The following KPNA4 variants were observed in gnomAD, a reference collection of about 807,000 sequenced individuals.
KPNA4 encodes karyopherin subunit alpha 4.
KPNA4 carries 13 observed loss-of-function variants against 71.3 expected under a neutral mutation model. The observed-to-expected ratio is 0.18, with a 90% CI of 0.12 to 0.29. The LOEUF is 0.29. KPNA4 is among the 10% of genes least tolerant of loss of function. The pLI is 1.00. For synonymous variants in KPNA4, 189 were observed against 195.2 expected (o/e 0.97, Z 0.26); for missense variants, 334 against 603.2 (o/e 0.55, Z 4.67).
intron 1 of KPNA4, among the ~76,000 whole-genome samples, chr3:160,540,298 C>A (rs1179361071): frequency 6.6e-6 from 1 of 152,066 alleles, no homozygotes; most frequent in Non-Finnish European, 1.5e-5. Context: ...CGCGCCTGAC[C>A]CGAAAGATTT....
intron 2 of KPNA4, 69 bp downstream of exon 2, chr3:160,536,727 C>T (rs1204219394): frequency 5.2e-6 from 4 of 766,230 alleles, no homozygotes; most frequent in Non-Finnish European, 8.2e-6. Context: ...ATATATTTGG[C>T]ATCTTGTATA....
intron 1 of KPNA4, among the ~76,000 whole-genome samples, chr3:160,564,863 G>T (rs1025780549): frequency 6.7e-6 from 1 of 150,244 alleles, no homozygotes; most frequent in East Asian, 2.0e-4. Context: ...GGAAGGGGCC[G>T]CGGCCCGGCC....
chr3:160,555,869 T>C (rs994546093), intron 1 of KPNA4, among the ~76,000 whole-genome samples: 2 of 152,208 alleles, frequency 1.3e-5, no homozygotes, highest in African/African-American at 2.4e-5. Context: ...TTTGCTTTTG[T>C]TGCCCAGGCT....
chr3:160,510,853 T>TTGC (rs1721076971), intron 13 of KPNA4, among the ~76,000 whole-genome samples: 4 of 151,874 alleles, frequency 2.6e-5, no homozygotes, highest in Admixed American at 2.0e-4. Flanking sequence ...AGTGGCGCAA[T>TTGC]CTCGGCTCAC....
chr3:160,508,474 G>A lies in KPNA4; in HGVS notation c.1210-205C>T, dbSNP rs184817986. ...TTTCCCGAACTTAGAAAAAAACAACGTAAAGTTAAAATAAAGGAATCACTC... is the reference window on the plus strand; with the variant it reads ...TTTCCCGAACTTAGAAAAAAACAACATAAAGTTAAAATAAAGGAATCACTC... On this transcript the variant is annotated intron_variant, in intron 14 of 16. Transcript: ENST00000334256. Among the ~76,000 whole-genome samples, 33 of 151,874 alleles carry A rather than the reference G, an allele frequency of 2.2e-4. No individual in the cohort carries two copies. The East Asian group carries it at 6.2e-3, about 28-fold the overall frequency.
At chr3:160,514,328 C>T (rs537202985) in intron 12 of KPNA4, 147 bp from the exon 13 acceptor site, 7 of 543,488 alleles carry the variant, frequency 1.3e-5, no homozygotes, top group African/African-American at 1.2e-4. Context: ...AATTCCTTTA[C>T]ACCCCTTTCC....
chr3:160,537,449 T>A (rs892459608), intron 1 of KPNA4, among the ~76,000 whole-genome samples: 1 of 151,912 alleles, frequency 6.6e-6, no homozygotes. Flanking sequence ...TGGCACACCA[T>A]GGCCATTCTT....
intron 11 of KPNA4, among the ~76,000 whole-genome samples, chr3:160,516,518 G>A (rs1001634852): frequency 6.6e-6 from 1 of 151,946 alleles, no homozygotes; most frequent in African/African-American, 2.4e-5. Flanking sequence ...AGTGGCTCAC[G>A]CCTGTAATTC....
chr3:160,564,824 G>A (rs905506679), intron 1 of KPNA4, among the ~76,000 whole-genome samples: 1 of 151,572 alleles, frequency 6.6e-6, no homozygotes, highest in Non-Finnish European at 1.5e-5. Flanking sequence ...CGGTGCCCGA[G>A]CGAGAGCCGG....
rs1369484691 is a variant in KPNA4 at position 160,496,719 on chromosome 3, A to G, written c.*5385T>C. On this transcript the variant is annotated 3_prime_UTR_variant, in exon 17 of 17. Transcript: ENST00000334256. ...ACAAAAGGTATAAAATTTGTGGAGA[A>G]GGCAAAAATTGGGGCAGAAAATATA... The G allele has an allele frequency of 6.6e-6, 1 of 152,246 alleles. No individual in the cohort carries two copies. Among genetic ancestry groups the G allele is most frequent in the Non-Finnish European group, 1.5e-5 (1 of 68,054 alleles). 9.4% of individuals were successfully genotyped at this position (152,246 alleles called of 1,614,324 possible). A position where few individuals can be genotyped will look rare whatever the true frequency, so the allele number is the denominator to read the frequency against.
rs556252697 is a variant in KPNA4, at chr3:160,512,308, A to G, written c.1137+1769T>C. ...GATAACATAAAAGATACAGGTCACC[A>G]ATTCTAAGAGGTTCCTGTTGGTCAG... On this transcript the variant is annotated intron_variant, in intron 13 of 16. Transcript: ENST00000334256. Among the ~76,000 whole-genome samples, 6 of 152,352 alleles carry G rather than the reference A, an allele frequency of 3.9e-5. 1 individual carries two copies. In the East Asian group the frequency reaches 9.6e-4, roughly 25 times the overall value.
intron 10 of KPNA4, among the ~76,000 whole-genome samples, chr3:160,525,452 G>T (rs1020879533): frequency 6.6e-6 from 1 of 152,064 alleles, no homozygotes; most frequent in Non-Finnish European, 1.5e-5. Flanking sequence ...AACAATTAAA[G>T]ACATGATCTT....
chr3:160,557,966 G>GCCTCTCAAA, intron 1 of KPNA4, among the ~76,000 whole-genome samples: 1 of 152,336 alleles, frequency 6.6e-6, no homozygotes, highest in African/African-American at 2.4e-5. Flanking sequence ...ACAGGCATGA[G>GCCTCTCAAA]CCACTGTGCC....
At chr3:160,534,965 G>A (rs1233763253) in intron 5 of KPNA4, among the ~76,000 whole-genome samples, 6 of 151,606 alleles carry the variant, frequency 4.0e-5, no homozygotes, top group South Asian at 2.1e-4. Context: ...CTCACGATCC[G>A]CCCACCTCGG....
intron 13 of KPNA4, among the ~76,000 whole-genome samples, chr3:160,512,432 A>G (rs954955303): frequency 2.0e-5 from 3 of 152,210 alleles, no homozygotes; most frequent in African/African-American, 7.2e-5. Flanking sequence ...CTAAAAAAAA[A>G]TCTACTCTGG....
At position 160,526,098 on chromosome 3, in the gene KPNA4, G is replaced by A; in HGVS notation, c.566C>T (p.Pro189Leu). 6.5e-7 allele frequency: 1 copy of A among 1,530,756 alleles called. No individual in the cohort carries two copies. Among genetic ancestry groups the A allele is most frequent in the Non-Finnish European group, 8.7e-7 (1 of 1,144,990 alleles). The allele number at this position is 1,530,756 out of a possible 1,614,324, so 94.8% of individuals were successfully genotyped here. A position where few individuals can be genotyped will look rare whatever the true frequency, so the allele number is the denominator to read the frequency against. ...ACTTATGACATAATCTCTACACTGG[G>A]GCCCATCACCTGTAGAAAAAAAGGA... ...WALGNIIGDGPQCRDYVISLG... is the reference protein window; with the variant it reads ...WALGNIIGDGLQCRDYVISLG... The change falls in exon 9 of 17, where the codon CCC becomes CTC. Residue 189 changes from proline to leucine, a missense_variant. Physicochemically the swap from Pro to Leu is moderately conservative, Grantham distance 98 (BLOSUM62 -3). Transcript: ENST00000334256.
chr3:160,506,873 T>TA (rs1422389296), intron 15 of KPNA4, among the ~76,000 whole-genome samples: 1 of 152,224 alleles, frequency 6.6e-6, no homozygotes, highest in Non-Finnish European at 1.5e-5. Flanking sequence ...TTAGTAACTT[T>TA]AAATATATCT....
intron 10 of KPNA4, 30 bp downstream of exon 10, chr3:160,525,770 A>G (rs755509992): frequency 1.4e-6 from 2 of 1,429,858 alleles, no homozygotes; most frequent in South Asian, 1.5e-5. Context: ...ACATACATAC[A>G]TAAATATATA....
chr3:160,506,367 A>G (rs1261031344), intron 15 of KPNA4, among the ~76,000 whole-genome samples: 1 of 152,058 alleles, frequency 6.6e-6, no homozygotes, highest in Non-Finnish European at 1.5e-5. Flanking sequence ...ACGGGGTTTC[A>G]TCATGCTGAC....
Sources: allele counts gnomAD v4.1 joint callset (sites outside exome capture counted in the v4.1 genomes callset), GRCh38; gene constraint gnomAD v4.1.1; transcripts MANE v1.5; gene names NCBI Gene and HGNC (gene_info 2026-07-23, HGNC 2026-07-21).